Variants in ZNF516 observed in about 807,000 individuals in gnomAD.
ZNF516 encodes the protein zinc finger protein 516.
ZNF516 carries 19 observed loss-of-function variants against 79.7 expected under a neutral mutation model. That is an observed-to-expected ratio of 0.24 (90% CI 0.17 to 0.35). The LOEUF is 0.35. ZNF516 is among the 10% of genes least tolerant of loss of function. The pLI is 1.00. For missense variants in ZNF516, 1,678 were observed against 1,679.5 expected (o/e 1.00, Z 0.02); for synonymous variants, 877 against 739.5 (o/e 1.19, Z -3.02).
chr18:76,440,739 TG>T (rs2075804171), intron 3 of ZNF516, among the ~76,000 whole-genome samples: 22 of 51,106 alleles, frequency 4.3e-4, no homozygotes, highest in East Asian at 1.1e-3. Context: ...TGTGTGTGTG[TG>T]TTTGTGTGTG....
chr18:76,365,020 T>C (rs1256809837), intron 6 of ZNF516, among the ~76,000 whole-genome samples: 1 of 152,228 alleles, frequency 6.6e-6, no homozygotes. Flanking sequence ...CTCTGATCTG[T>C]GATGCTGAGA....
chr18:76,496,301 T>A (rs1915481677), upstream of ZNF516: 1 of 1,289,000 alleles, frequency 7.8e-7, no homozygotes, highest in Non-Finnish European at 1.0e-6. Context: ...ATTGTTCTCC[T>A]TCTCCTCGTG....
At position 76,361,921 on chromosome 18, in the gene ZNF516, C is replaced by G. The variant is rs972169261; in HGVS notation, c.*577G>C. ...ACCCCTCCGCCAAGCCTGCTTCCCA[C>G]AGCACCTGAACGTCACCTCCTTCCT... On this transcript the variant is annotated 3_prime_UTR_variant, in exon 7 of 7. Transcript: ENST00000443185. 2 of 152,344 alleles carry G rather than the reference C, an allele frequency of 1.3e-5. No individual in the cohort carries two copies. Among genetic ancestry groups the G allele is most frequent in the Non-Finnish European group, 2.9e-5 (2 of 68,164 alleles). The allele number at this position is 152,344 out of a possible 1,614,324, so 9.4% of individuals were successfully genotyped here.
Position 76,467,759 on chromosome 18 carries a change from T to C in ZNF516, c.-271-4618A>G, listed in dbSNP as rs1409172398. Among the ~76,000 whole-genome samples, 3 of 152,254 alleles carry C rather than the reference T, an allele frequency of 2.0e-5. No individual in the cohort carries two copies. Among genetic ancestry groups the C allele is most frequent in the Non-Finnish European group, 4.4e-5 (3 of 68,044 alleles). ...TAGCAATTTCCTGCATTTGCAGGCA[T>C]GTTCAAACTGTAAGCCCGTTCGATT... On this transcript the variant is annotated intron_variant, in intron 1 of 6. Coordinates refer to ENST00000443185, the MANE Select transcript of ZNF516 (RefSeq NM_014643.4). This position sits in a 1 kb window ranked among gnomAD's most constrained non-coding sequence, Gnocchi z 4.2.
intron 3 of ZNF516, among the ~76,000 whole-genome samples, chr18:76,398,843 G>A (rs1434983141): frequency 2.0e-5 from 3 of 151,924 alleles, no homozygotes; most frequent in South Asian, 2.1e-4. Context: ...TTTCTATTGC[G>A]ATGCATAAAT....
intron 3 of ZNF516, among the ~76,000 whole-genome samples, chr18:76,433,767 TA>T (rs1371053666): frequency 6.6e-6 from 1 of 152,114 alleles, no homozygotes; most frequent in Non-Finnish European, 1.5e-5. Context: ...AGGATGGGCT[TA>T]GTCGCAGCAC....
chr18:76,444,713 G>T (rs1336404698), intron 2 of ZNF516, among the ~76,000 whole-genome samples: 1 of 152,210 alleles, frequency 6.6e-6, no homozygotes, highest in Non-Finnish European at 1.5e-5. Flanking sequence ...TAAAAAATCA[G>T]TGTCGGTGTC....
intron 6 of ZNF516, among the ~76,000 whole-genome samples, chr18:76,370,260 C>A (rs1355656497): frequency 3.9e-5 from 6 of 152,220 alleles, no homozygotes. Context: ...CAGTCACCGC[C>A]AGTCTATCCC....
chr18:76,428,523 G>A (rs1599073414), intron 3 of ZNF516, among the ~76,000 whole-genome samples: 1 of 152,196 alleles, frequency 6.6e-6, no homozygotes. Context: ...ATGATCAACA[G>A]GCAAATAGAA....
At chr18:76,383,640 C>T (rs745690830) in intron 3 of ZNF516, among the ~76,000 whole-genome samples, 39 of 152,036 alleles carry the variant, frequency 2.6e-4, no homozygotes, top group Non-Finnish European at 5.6e-4. Context: ...CACCAGGCAC[C>T]TTCTCAGCCA....
At chr18:76,438,474 A>G (rs965613725) in intron 3 of ZNF516, among the ~76,000 whole-genome samples, 3 of 152,304 alleles carry the variant, frequency 2.0e-5, no homozygotes, top group Admixed American at 6.5e-5. Flanking sequence ...CTTTCTGTCC[A>G]TGCCACGTCT....
At chr18:76,432,537 TC>T (rs1270705355) in intron 3 of ZNF516, among the ~76,000 whole-genome samples, 1 of 152,244 alleles carries the variant, frequency 6.6e-6, no homozygotes, top group Non-Finnish European at 1.5e-5. Context: ...AGCTCACTCT[TC>T]CGTGTCACCT....
rs532908401 is a variant in ZNF516, at chr18:76,359,219, T to C, written c.*3279A>G. On this transcript the variant is annotated 3_prime_UTR_variant, in exon 7 of 7. Transcript: ENST00000443185. ...CAGGGAACCAGTGTCTTTCTTGGTT[T>C]AAAAAATAAATAAGTAAATATTGGG... is the stretch of plus-strand genomic sequence containing the variant. The C allele has an allele frequency of 1.2e-4, 18 of 152,318 alleles. No homozygotes were observed. Among genetic ancestry groups the C allele is most frequent in the Admixed American group, 7.2e-4 (11 of 15,304 alleles). The allele number at this position is 152,318 out of a possible 1,614,324, so 9.4% of individuals were successfully genotyped here. A position where few individuals can be genotyped will look rare whatever the true frequency, so the allele number is the denominator to read the frequency against.
chr18:76,360,646 A>AAAAAATATATATATATATATATATAT lies in ZNF516; in HGVS notation c.*1851_*1852insATATATATATATATATATATATTTTT, dbSNP rs373540251. 1 of 72,494 alleles carries AAAAAATATATATATATATATATATAT rather than the reference A, an allele frequency of 1.4e-5. No homozygotes were observed. 4.5% of individuals were successfully genotyped at this position (72,494 alleles called of 1,614,324 possible). A position where few individuals can be genotyped will look rare whatever the true frequency, so the allele number is the denominator to read the frequency against. On this transcript the variant is annotated 3_prime_UTR_variant, in exon 7 of 7. Transcript: ENST00000443185. ...AAAAAAATAAGTAAAAAAAAAAAAA[A>AAAAAATATATATATATATATATATAT]ATATATATATATATATATATATATA...
intron 4 of ZNF516, among the ~76,000 whole-genome samples, chr18:76,373,760 C>T (rs1161779842): frequency 2.0e-5 from 3 of 152,258 alleles, no homozygotes; most frequent in African/African-American, 2.4e-5. Flanking sequence ...AGTGCACACA[C>T]ACATATGAGT....
At chr18:76,486,894 G>GAATA (rs1217707776) in intron 1 of ZNF516, among the ~76,000 whole-genome samples, 1 of 152,036 alleles carries the variant, frequency 6.6e-6, no homozygotes, top group Non-Finnish European at 1.5e-5. Context: ...ACAGAAACAG[G>GAATA]AATACGAAGT....
At chr18:76,377,007 C>T (rs2074798016) in intron 4 of ZNF516, among the ~76,000 whole-genome samples, 1 of 152,240 alleles carries the variant, frequency 6.6e-6, no homozygotes, top group South Asian at 2.1e-4. Flanking sequence ...GGCATCACAT[C>T]AAAAGGCCAC....
At chr18:76,443,473 A>G (rs1467240694) in intron 2 of ZNF516, among the ~76,000 whole-genome samples, 1 of 152,198 alleles carries the variant, frequency 6.6e-6, no homozygotes. Flanking sequence ...TCTTTTCCCA[A>G]TAAGGTATCA....
intron 3 of ZNF516, among the ~76,000 whole-genome samples, chr18:76,404,845 G>C (rs575173503): frequency 6.6e-6 from 1 of 152,230 alleles, no homozygotes; most frequent in African/African-American, 2.4e-5. Context: ...CACTGTAACT[G>C]TGTGCATGTG....
Sources: allele counts gnomAD v4.1 joint callset (sites outside exome capture counted in the v4.1 genomes callset), GRCh38; gene constraint gnomAD v4.1.1; non-coding constraint Gnocchi (gnomAD v3.1); transcripts MANE v1.5; gene names NCBI Gene and HGNC (gene_info 2026-07-23, HGNC 2026-07-21).